The following MMP17 variants were observed in gnomAD, a reference collection of about 807,000 sequenced individuals.
MMP17 encodes matrix metallopeptidase 17, also known as matrix metalloproteinase-17.
A neutral mutation model predicts 49.1 loss-of-function variants in MMP17; 54 were observed. That is an observed-to-expected ratio of 1.10 (90% CI 0.88 to 1.38). The LOEUF is 1.38. Among genes scored for constraint, MMP17 ranks in the 40% most tolerant of loss-of-function variants. The pLI, the probability that MMP17 is intolerant of heterozygous loss-of-function variation, is 0.00. For synonymous variants in MMP17, 397 were observed against 383.1 expected (o/e 1.04, Z -0.42); for missense variants, 837 against 853.7 (o/e 0.98, Z 0.24).
intron 5 of MMP17, 82 bp downstream of exon 5, chr12:131,841,882 G>A (rs1024158141): frequency 3.4e-5 from 49 of 1,428,386 alleles, no homozygotes; most frequent in Non-Finnish European, 4.3e-5. Context: ...GAGCCCCCCC[G>A]GGAGGGTTTG....
chr12:131,836,995 G>T (rs1193692250), intron 1 of MMP17, among the ~76,000 whole-genome samples: 9 of 152,244 alleles, frequency 5.9e-5, no homozygotes, highest in Non-Finnish European at 1.3e-4. Flanking sequence ...GGGTAGCAGA[G>T]ATGACTGGGG....
In MMP17 at chr12:131,851,033, G is replaced by C. The variant is rs1392050567; in HGVS notation, c.1571G>C (p.Gly524Ala). Residue 524 changes from glycine to alanine, a missense_variant, in exon 10 of 10, where the codon GGA (glycine) becomes GCA (alanine). Physicochemically the swap from Gly to Ala is moderately conservative, Grantham distance 60. Coordinates refer to ENST00000360564, the MANE Select transcript of MMP17 (RefSeq NM_016155.7). The part of the protein sequence containing the change: ...QSTARDWLVC[G>A]DSQADGSVAA... ...ACGGCCCGGGACTGGCTGGTGTGTGGAGACTCACAGGCCGATGGATCTGTG... is the reference window on the plus strand; with the variant it reads ...ACGGCCCGGGACTGGCTGGTGTGTGCAGACTCACAGGCCGATGGATCTGTG... The C allele has an allele frequency of 1.9e-6, 3 of 1,609,312 alleles. No homozygotes were observed. The highest frequency in any genetic ancestry group is 2.5e-6 in the Non-Finnish European group (3 of 1,178,308).
chr12:131,844,779 C>A, intron 6 of MMP17: 1 of 352,252 alleles, frequency 2.8e-6, no homozygotes, highest in Non-Finnish European at 5.4e-6. Flanking sequence ...GAATTCTAGG[C>A]CCGGGCTTGG....
intron 5 of MMP17, 138 bp downstream of exon 5, chr12:131,841,938 C>A: frequency 1.0e-6 from 1 of 987,708 alleles, no homozygotes; most frequent in Non-Finnish European, 1.4e-6. Context: ...CCAGCTGGGA[C>A]GCTCTGGCCT....
In MMP17 at chr12:131,851,094, C is replaced by T. The variant is rs1043989432; in HGVS notation, c.1632C>T (p.Ala544=). Residue 544 remains alanine (A), a synonymous_variant, in exon 10 of 10, where the codon GCC becomes GCT. Coordinates refer to ENST00000360564, the MANE Select transcript of MMP17 (RefSeq NM_016155.7). Reference sequence around the variant, plus strand: ...TGGACGCGGCAGAGGGGCCCCGCGCCCCTCCAGGACAACATGACCAGAGCC... The same window carrying T: ...TGGACGCGGCAGAGGGGCCCCGCGCTCCTCCAGGACAACATGACCAGAGCC... ...AGVDAAEGPR[A]PPGQHDQSRS... is the part of the protein sequence containing the mutation. The T allele has an allele frequency of 2.5e-6, 4 of 1,601,152 alleles. No homozygotes were observed. Among genetic ancestry groups the T allele is most frequent in the Non-Finnish European group, 3.4e-6 (4 of 1,174,638 alleles).
intron 6 of MMP17, chr12:131,844,633 C>T (rs529572575): frequency 3.6e-5 from 8 of 222,990 alleles, no homozygotes; most frequent in South Asian, 2.1e-4. Context: ...GTCACAGGAC[C>T]GTACGTGTAA....
chr12:131,844,163 T>C, intron 6 of MMP17, 82 bp downstream of exon 6: 1 of 1,216,064 alleles, frequency 8.2e-7, no homozygotes, highest in Non-Finnish European at 1.2e-6. Flanking sequence ...CCCCAAATCG[T>C]GGCTCAGAGT....
intron 5 of MMP17, among the ~76,000 whole-genome samples, chr12:131,843,065 G>A (rs1297522434): frequency 1.1e-4 from 16 of 151,818 alleles, no homozygotes; most frequent in African/African-American, 2.4e-4. Context: ...GCGCGATCTC[G>A]GCTCGCTGCG....
rs1254274752 is a variant in MMP17, at chr12:131,838,708, C to T, written c.389C>T (p.Pro130Leu). ...QARRRRQAPA[P>L]TKWNKRNLSW... ...CGCAGGAGACGCCAGGCTCCAGCCC[C>T]CACCAAGTGGAACAAGAGGAACCTG... Residue 130 changes from proline (P) to leucine (L), a missense_variant, in exon 3 of 10, where the codon CCC (proline) becomes CTC (leucine). Pro to Leu is a moderately conservative substitution (Grantham distance 98). Coordinates refer to ENST00000360564, the MANE Select transcript of MMP17 (RefSeq NM_016155.7). 6.3e-7 allele frequency: 1 copy of T among 1,598,498 alleles called. No homozygotes were observed. The highest frequency in any genetic ancestry group is 1.1e-5 in the South Asian group (1 of 88,822).
chr12:131,849,759 G>A (rs558467638), intron 8 of MMP17, 43 bp from the exon 9 acceptor site: 3 of 1,577,704 alleles, frequency 1.9e-6, no homozygotes, highest in South Asian at 1.2e-5. Flanking sequence ...GCCCTTCGGG[G>A]TGGGGCCGAG....
chr12:131,851,181 C>T lies in MMP17; in HGVS notation c.1719C>T (p.Ala573=). The T allele has an allele frequency of 2.0e-6, 3 of 1,471,114 alleles. No homozygotes were observed. The highest frequency in any genetic ancestry group is 2.8e-5 in the South Asian group (2 of 72,204). 91.1% of individuals were successfully genotyped at this position (1,471,114 alleles called of 1,614,324 possible). Residue 573 remains alanine, a synonymous_variant, in exon 10 of 10, where the codon GCC becomes GCT. Coordinates refer to ENST00000360564, the MANE Select transcript of MMP17 (RefSeq NM_016155.7). The part of the protein sequence containing the change: ...CTSGASSPPG[A]PGPLVAATML... The stretch of plus-strand genomic sequence containing the variant: ...CTGGGGCATCCTCTCCCCCGGGGGC[C>T]CCAGGCCCACTGGTGGCTGCCACCA...
At chr12:131,836,409 C>A (rs1473745093) in intron 1 of MMP17, among the ~76,000 whole-genome samples, 5 of 151,788 alleles carry the variant, frequency 3.3e-5, no homozygotes, top group African/African-American at 7.2e-5. Flanking sequence ...CCAGCTCCTG[C>A]AGACCAGAAC....
At chr12:131,841,876 C>T (rs760129707) in intron 5 of MMP17, 76 bp downstream of exon 5, 15 of 1,449,842 alleles carry the variant, frequency 1.0e-5, no homozygotes, top group Non-Finnish European at 1.2e-5. Flanking sequence ...TGAGCAGAGC[C>T]CCCCCGGGAG....
intron 2 of MMP17, 113 bp from the exon 3 acceptor site, chr12:131,838,499 G>A: frequency 6.8e-7 from 1 of 1,468,278 alleles, no homozygotes; most frequent in Non-Finnish European, 9.0e-7. Flanking sequence ...GTGGGAGGAG[G>A]GGGCGGCTCG....
intron 8 of MMP17, among the ~76,000 whole-genome samples, chr12:131,848,460 C>T (rs774624885): frequency 6.6e-6 from 1 of 152,222 alleles, no homozygotes; most frequent in Non-Finnish European, 1.5e-5. Context: ...AGCCACAGCT[C>T]GGTGGCATGA....
intron 4 of MMP17, among the ~76,000 whole-genome samples, 180 bp from the exon 5 acceptor site, chr12:131,841,444 C>A (rs1484945297): frequency 6.6e-6 from 1 of 152,208 alleles, no homozygotes; most frequent in East Asian, 1.9e-4. Context: ...GCCCAGCAGG[C>A]CCCACAGAGC....
chr12:131,844,810 C>A, intron 6 of MMP17: 1 of 396,972 alleles, frequency 2.5e-6, no homozygotes, highest in Non-Finnish European at 4.7e-6. Context: ...CGTGGGGTCC[C>A]GTGGCGTGGG....
In MMP17 at chr12:131,843,985, T is replaced by A; in HGVS notation, c.884-12T>A. 1 of 1,539,626 alleles carries A rather than the reference T, an allele frequency of 6.5e-7. No individual in the cohort carries two copies. Among genetic ancestry groups the A allele is most frequent in the Non-Finnish European group, 8.8e-7 (1 of 1,142,738 alleles). Reference sequence around the variant, plus strand: ...GGGGGTTTGAGGCCGTCCTCCTCCTTGTCTCCCGCAGGTGTGCGGGAGTCT... The same window carrying A: ...GGGGGTTTGAGGCCGTCCTCCTCCTAGTCTCCCGCAGGTGTGCGGGAGTCT... On this transcript the variant is annotated splice_polypyrimidine_tract_variant and intron_variant, in intron 5 of 9. Transcript: ENST00000360564.
At chr12:131,839,225 C>G (rs539221528) in intron 3 of MMP17, among the ~76,000 whole-genome samples, 4 of 152,296 alleles carry the variant, frequency 2.6e-5, no homozygotes, top group Admixed American at 2.6e-4. Flanking sequence ...CCTCCTCTCC[C>G]GTGTCTCCAG....
Sources: gnomAD v4.1 joint callset for allele counts (sites outside exome capture counted in the v4.1 genomes callset) on GRCh38, gnomAD v4.1.1 for gene constraint, MANE v1.5 for transcripts, NCBI Gene and HGNC (gene_info 2026-07-23, HGNC 2026-07-21) for gene names.